The following ZNF345 variants were observed in gnomAD, a reference collection of about 807,000 sequenced individuals.
The protein encoded by ZNF345 is zinc finger protein HZF10.
For missense variants in ZNF345, 527 were observed against 589.9 expected, an observed-to-expected ratio of 0.89 and a Z score of 1.10; for synonymous variants, 166 against 187.9, an observed-to-expected ratio of 0.88 and a Z score of 0.95.
intron 2 of ZNF345, among the ~76,000 whole-genome samples, chr19:36,853,104 G>A (rs548265373): frequency 2.0e-5 from 3 of 151,884 alleles, no homozygotes; most frequent in African/African-American, 7.2e-5. Flanking sequence ...TCTATGTGGT[G>A]CCTTTTGACA....
chr19:36,867,946 C>A (rs1328401699), intron 2 of ZNF345, among the ~76,000 whole-genome samples: 3 of 151,186 alleles, frequency 2.0e-5, no homozygotes, highest in Non-Finnish European at 4.4e-5. Flanking sequence ...ATACACATTG[C>A]AGTTCCATAT....
intron 2 of ZNF345, among the ~76,000 whole-genome samples, chr19:36,871,819 G>A (rs977304138): frequency 1.3e-5 from 2 of 152,078 alleles, no homozygotes; most frequent in East Asian, 3.9e-4. Flanking sequence ...CCAGGCTGGA[G>A]TGCAATGGTA....
chr19:36,852,061 C>G (rs2072279472), intron 2 of ZNF345, among the ~76,000 whole-genome samples, 157 bp downstream of exon 2: 1 of 151,620 alleles, frequency 6.6e-6, no homozygotes, highest in Non-Finnish European at 1.5e-5. Flanking sequence ...ACCTCCCACA[C>G]CTGATTTTCC....
intron 2 of ZNF345, among the ~76,000 whole-genome samples, chr19:36,862,190 C>T (rs983328998): frequency 2.6e-5 from 4 of 152,022 alleles, no homozygotes; most frequent in South Asian, 2.1e-4. Flanking sequence ...ACTGGGAGTA[C>T]GTAATCAAAA....
Position 36,877,302 on chromosome 19 carries a change from G to C in ZNF345, c.472G>C (p.Gly158Arg), listed in dbSNP as rs1225911729. ...GGAATGTGGGAAAGCCTTTAGTTTTGGATCAGGCCTTATTCGACATCAGAT... is the reference window on the plus strand; with the variant it reads ...GGAATGTGGGAAAGCCTTTAGTTTTCGATCAGGCCTTATTCGACATCAGAT... ...CKECGKAFSF[G>R]SGLIRHQIIH... Residue 158 changes from glycine to arginine, a missense_variant, in exon 3 of 3, where the codon GGA (glycine) becomes CGA (arginine). Gly to Arg is a moderately radical substitution (Grantham distance 125). Transcript: ENST00000420450. 3.1e-6 allele frequency: 5 copies of C among 1,613,910 alleles called. No individual in the cohort carries two copies. Among genetic ancestry groups the C allele is most frequent in the Non-Finnish European group, 4.2e-6 (5 of 1,180,014 alleles).
In ZNF345 at chr19:36,859,611, C is replaced by G. The variant is rs148413677; in HGVS notation, c.-47+7707C>G. Among the ~76,000 whole-genome samples the G allele has an allele frequency of 2.8e-4, 43 of 151,580 alleles. No individual in the cohort carries two copies. In the East Asian group the frequency reaches 7.2e-3, roughly 25 times the overall value. On this transcript the variant is annotated intron_variant, in intron 2 of 2. Transcript: ENST00000420450. Reference sequence around the variant, plus strand: ...TTTTTATTTGGTAATTTCTTGATGTCCAGTTTTTGATATGTATCTTGCTCT... The same window carrying G: ...TTTTTATTTGGTAATTTCTTGATGTGCAGTTTTTGATATGTATCTTGCTCT...
chr19:36,858,625 G>A (rs966863733), intron 2 of ZNF345, among the ~76,000 whole-genome samples: 1 of 152,034 alleles, frequency 6.6e-6, no homozygotes, highest in African/African-American at 2.4e-5. Context: ...AAATTAGCTG[G>A]GTGTGGTGGT....
At chr19:36,853,516 G>A (rs1313344822) in intron 2 of ZNF345, among the ~76,000 whole-genome samples, 1 of 152,146 alleles carries the variant, frequency 6.6e-6, no homozygotes, top group Non-Finnish European at 1.5e-5. Context: ...TGGGATTACA[G>A]GCATAAGCCA....
At chr19:36,883,983 G>T (rs910637933), downstream of ZNF345, among the ~76,000 whole-genome samples, 1 of 151,972 alleles carries the variant, frequency 6.6e-6, no homozygotes, top group African/African-American at 2.4e-5. Flanking sequence ...TACAAATTTG[G>T]GACTTGTCAT....
In ZNF345 at chr19:36,887,866, C is replaced by A. The variant is rs150448433; in HGVS notation, c.47-4952C>A. Among the ~76,000 whole-genome samples the A allele has an allele frequency of 2.2e-3, 334 of 152,158 alleles. 2 individuals are homozygous for A. Among genetic ancestry groups the A allele is most frequent in the African/African-American group, 7.6e-3 (316 of 41,502 alleles). On this transcript the variant is annotated intron_variant, in intron 3 of 3. Coordinates refer to the ZNF345 transcript ENST00000526123. ...CATTCTCATGATTTTGCCTGAGGTA[C>A]AATTTAAATTCTTGGATGACTCCAA...
rs1217344544 is a variant in ZNF345, at chr19:36,878,291, A to T, written c.1461A>T (p.Ile487=). The T allele has an allele frequency of 1.9e-6, 3 of 1,562,080 alleles. No individual in the cohort carries two copies. Among genetic ancestry groups the T allele is most frequent in the Non-Finnish European group, 2.6e-6 (3 of 1,158,556 alleles). The change falls in exon 3 of 3, where the codon ATA becomes ATT. Residue 487 remains isoleucine, a synonymous_variant. Transcript: ENST00000420450. ...AGAAACTCTGCGAATTGGAAACTATAAATTGAAATTATGTGCTGAAGGAAG... is the reference window on the plus strand; with the variant it reads ...AGAAACTCTGCGAATTGGAAACTATTAATTGAAATTATGTGCTGAAGGAAG... The part of the protein sequence containing the change: ...NGKKLCELET[I]N
At chr19:36,889,980 T>G (rs2073034721) in intron 3 of ZNF345, 1 of 152,198 alleles carries the variant, frequency 6.6e-6, no homozygotes, top group South Asian at 2.1e-4. Context: ...CTATTTTCAT[T>G]TATTTCAAAA....
At chr19:36,866,410 T>A (rs1003657658) in intron 2 of ZNF345, among the ~76,000 whole-genome samples, 7 of 152,332 alleles carry the variant, frequency 4.6e-5, no homozygotes, top group Admixed American at 3.9e-4. Context: ...GTGTAACTAT[T>A]AAGTAGATTT....
At chr19:36,865,043 G>A (rs1023381044) in intron 2 of ZNF345, among the ~76,000 whole-genome samples, 2 of 152,240 alleles carry the variant, frequency 1.3e-5, no homozygotes, top group South Asian at 4.1e-4. Flanking sequence ...TTTAAGAGCC[G>A]GGAGCTAGAG....
At chr19:36,886,802 A>G (rs2073001193) in intron 3 of ZNF345, among the ~76,000 whole-genome samples, 1 of 151,608 alleles carries the variant, frequency 6.6e-6, no homozygotes, top group African/African-American at 2.4e-5. Flanking sequence ...CCTGGCTAAC[A>G]CGGTGAAACC....
intron 2 of ZNF345, among the ~76,000 whole-genome samples, chr19:36,873,960 G>A (rs892228417): frequency 7.9e-5 from 12 of 152,060 alleles, no homozygotes; most frequent in Non-Finnish European, 4.4e-5. Context: ...TCTTCATGAG[G>A]TAGTGATCTA....
At chr19:36,865,502 A>G (rs961568819) in intron 2 of ZNF345, among the ~76,000 whole-genome samples, 4 of 152,124 alleles carry the variant, frequency 2.6e-5, no homozygotes, top group Non-Finnish European at 5.9e-5. Context: ...ACTCTGTCAC[A>G]CATGCTGGAG....
chr19:36,892,010 TTC>T, intron 3 of ZNF345: 1 of 1,613,882 alleles, frequency 6.2e-7, no homozygotes. Context: ...CCAGTGTGAA[TTC>T]TCTGATGATC....
chr19:36,884,347 C>T (rs964804400), downstream of ZNF345, among the ~76,000 whole-genome samples: 12 of 152,088 alleles, frequency 7.9e-5, no homozygotes, highest in Admixed American at 1.3e-4. Context: ...CATGAGCCAC[C>T]GCACCTGGCC....
Sources: allele counts gnomAD v4.1 joint callset (sites outside exome capture counted in the v4.1 genomes callset), GRCh38; gene constraint gnomAD v4.1.1; transcripts MANE v1.5; gene names NCBI Gene and HGNC (gene_info 2026-07-23, HGNC 2026-07-21).